The following FAM20B variants were observed in gnomAD, a reference collection of about 807,000 sequenced individuals.
FAM20B encodes glycosaminoglycan xylosylkinase.
In FAM20B, 23 loss-of-function variants were observed where a neutral mutation model predicts 43.8. The observed-to-expected ratio is 0.53, with a 90% CI of 0.38 to 0.74. The LOEUF is 0.74. Ranked by LOEUF, FAM20B falls within the 30% of genes least tolerant of loss-of-function variation. The pLI, the probability that FAM20B is intolerant of heterozygous loss-of-function variation, is 0.00. For synonymous variants in FAM20B, 178 were observed against 192.4 expected (o/e 0.93, Z 0.62); for missense variants, 440 against 510.5 (o/e 0.86, Z 1.33).
chr1:179,028,699 C>T (rs753055052), intron 1 of FAM20B, among the ~76,000 whole-genome samples: 13 of 152,190 alleles, frequency 8.5e-5, no homozygotes, highest in Admixed American at 8.5e-4. Flanking sequence ...AACACAGTTA[C>T]AATGAGGCCC....
chr1:179,017,707 C>T, the FAM20B span, among the ~76,000 whole-genome samples: 1 of 152,152 alleles, frequency 6.6e-6, no homozygotes, highest in African/African-American at 2.4e-5. Flanking sequence ...TAGGGCAATA[C>T]AGTCACACAG....
chr1:179,046,438 G>A (rs1017089443), intron 2 of FAM20B, among the ~76,000 whole-genome samples: 3 of 152,270 alleles, frequency 2.0e-5, no homozygotes, highest in South Asian at 2.1e-4. Context: ...ATCACTTGAC[G>A]TCAGGAGTTT....
intron 1 of FAM20B, among the ~76,000 whole-genome samples, chr1:179,032,313 C>CT (rs547439601): frequency 0.019 from 2,179 of 111,754 alleles, 143 homozygotes; most frequent in African/African-American, 0.032. Flanking sequence ...AGGTCTCATT[C>CT]TTTTTTTTTT....
At chr1:179,032,829 A>G (rs566420302) in intron 1 of FAM20B, among the ~76,000 whole-genome samples, 1 of 152,292 alleles carries the variant, frequency 6.6e-6, no homozygotes, top group African/African-American at 2.4e-5. Flanking sequence ...TGGTTTTCCC[A>G]GGGTACTCAG....
At chr1:179,062,437 G>A (rs1651507080) in intron 4 of FAM20B, among the ~76,000 whole-genome samples, 1 of 151,996 alleles carries the variant, frequency 6.6e-6, no homozygotes, top group Admixed American at 6.6e-5. Context: ...GGATCATGAG[G>A]TCAGGAGTTC....
In FAM20B at chr1:179,030,992, G is replaced by T. The variant is rs566184903; in HGVS notation, c.-134+4894G>T. Among the ~76,000 whole-genome samples, 13 of 152,164 alleles carry T rather than the reference G, an allele frequency of 8.5e-5. No homozygotes were observed. In the South Asian group the frequency reaches 2.5e-3, roughly 29 times the overall value. ...TAATTTCAGCACAGATCTGTTTGAG[G>T]TTCTCCTGCTTCTGAGAGTGATCTC... On this transcript the variant is annotated intron_variant, in intron 1 of 7. Coordinates refer to ENST00000263733, the MANE Select transcript of FAM20B (RefSeq NM_014864.4).
intron 3 of FAM20B, among the ~76,000 whole-genome samples, chr1:179,054,249 AAAG>A (rs1186683991): frequency 6.6e-6 from 1 of 152,026 alleles, no homozygotes; most frequent in Non-Finnish European, 1.5e-5. Context: ...ACAAAAGTAG[AAAG>A]AATAGTATAA....
intron 4 of FAM20B, among the ~76,000 whole-genome samples, chr1:179,060,063 G>A (rs964618571): frequency 4.0e-5 from 6 of 150,416 alleles, no homozygotes; most frequent in African/African-American, 1.5e-4. Flanking sequence ...CCTTTAACTA[G>A]TAATTTCCTT....
intron 6 of FAM20B, 105 bp downstream of exon 6, chr1:179,064,601 A>C: frequency 1.2e-6 from 1 of 862,054 alleles, no homozygotes; most frequent in Non-Finnish European, 1.8e-6. Context: ...TTGATAGGCA[A>C]CATCCTTCTT....
chr1:179,065,807 T>G (rs1651665274), intron 6 of FAM20B, among the ~76,000 whole-genome samples: 1 of 152,220 alleles, frequency 6.6e-6, no homozygotes, highest in Non-Finnish European at 1.5e-5. Flanking sequence ...GACTGGGTAA[T>G]TCATAAGCAT....
At chr1:179,045,494 G>T (rs570304332) in intron 2 of FAM20B, among the ~76,000 whole-genome samples, 59 of 152,354 alleles carry the variant, frequency 3.9e-4, no homozygotes, top group African/African-American at 1.3e-3. Flanking sequence ...GTCAGAGCAT[G>T]AATGTATAGG....
In FAM20B at chr1:179,068,686, G is replaced by A. The variant is rs539930448; in HGVS notation, c.998+1827G>A. Among the ~76,000 whole-genome samples, 149 of 151,930 alleles carry A rather than the reference G, an allele frequency of 9.8e-4. 1 individual carries two copies. Among genetic ancestry groups the A allele is most frequent in the Non-Finnish European group, 5.9e-5 (4 of 67,948 alleles). ...CCTGACCTTGTGATCTGCCTGCCTC[G>A]GCCTCCCAAACTACTGGCATTACAG... On this transcript the variant is annotated intron_variant, in intron 7 of 7. Transcript: ENST00000263733.
At chr1:179,048,349 G>T (rs1650866522) in intron 2 of FAM20B, among the ~76,000 whole-genome samples, 2 of 152,296 alleles carry the variant, frequency 1.3e-5, no homozygotes, top group South Asian at 4.1e-4. Context: ...ATTCAGGCCT[G>T]ACTTCAGTGT....
chr1:179,040,438 G>C (rs573248985), intron 1 of FAM20B, among the ~76,000 whole-genome samples: 1 of 151,224 alleles, frequency 6.6e-6, no homozygotes, highest in Admixed American at 6.6e-5. Flanking sequence ...AGGGGCGGCC[G>C]GGCAGAGGCG....
chr1:179,021,085 G>A (rs1259788596), upstream of FAM20B, among the ~76,000 whole-genome samples: 3 of 151,922 alleles, frequency 2.0e-5, no homozygotes, highest in Admixed American at 6.6e-5. Context: ...AGAAAAAAAA[G>A]CTCCCCTACA....
chr1:179,053,799 G>A (rs1268674275), intron 3 of FAM20B, among the ~76,000 whole-genome samples: 2 of 152,130 alleles, frequency 1.3e-5, no homozygotes, highest in African/African-American at 2.4e-5. Context: ...ATGTATATAC[G>A]TAAGTGTGAG....
the FAM20B span, among the ~76,000 whole-genome samples, chr1:179,018,140 A>G: frequency 2.0e-5 from 3 of 152,152 alleles, no homozygotes; most frequent in Non-Finnish European, 4.4e-5. Context: ...ATCTGTGACA[A>G]GTTCCCTCTG....
At chr1:179,020,125 A>G in the FAM20B span, among the ~76,000 whole-genome samples, 3,104 of 150,784 alleles carry the variant, frequency 0.021, 45 homozygotes, top group Non-Finnish European at 0.029. Context: ...GATGTCTATG[A>G]TTTGGCCTGC....
upstream of FAM20B, among the ~76,000 whole-genome samples, chr1:179,021,403 A>G (rs1301385495): frequency 6.6e-6 from 1 of 152,218 alleles, no homozygotes; most frequent in East Asian, 1.9e-4. Flanking sequence ...GGAATTAGCA[A>G]TCTGGAATTT....
Sources: gnomAD v4.1 joint callset for allele counts (sites outside exome capture counted in the v4.1 genomes callset) on GRCh38, gnomAD v4.1.1 for gene constraint, MANE v1.5 for transcripts, NCBI Gene and HGNC (gene_info 2026-07-23, HGNC 2026-07-21) for gene names.